The following CALN1 variants were observed in gnomAD, a reference collection of about 807,000 sequenced individuals.
CALN1 encodes the protein calneuron 1.
Under a neutral mutation model 30.6 loss-of-function variants are expected in CALN1, and 17 were observed. That is an observed-to-expected ratio of 0.56 (90% CI 0.38 to 0.83). CALN1 has a LOEUF of 0.83. Ranked by LOEUF, CALN1 falls within the 40% of genes least tolerant of loss-of-function variation. CALN1 has a pLI of 0.00. For synonymous variants in CALN1, 156 were observed against 131.4 expected (o/e 1.19, Z -1.28); for missense variants, 291 against 354.9 (o/e 0.82, Z 1.45).
intron 5 of CALN1, among the ~76,000 whole-genome samples, chr7:71,828,753 TTGTG>T (rs1276488626): frequency 6.7e-6 from 1 of 149,520 alleles, no homozygotes; most frequent in African/African-American, 2.5e-5. Context: ...ATTTGGGGTT[TTGTG>T]TGTTTTTTTG....
chr7:72,260,278 A>T (rs567636820), intron 3 of CALN1, among the ~76,000 whole-genome samples: 10 of 152,332 alleles, frequency 6.6e-5, no homozygotes, highest in Admixed American at 2.6e-4. Context: ...TGAAGCATGG[A>T]TTAGCAACTG....
chr7:72,010,613 A>G (rs1800014978), intron 5 of CALN1, among the ~76,000 whole-genome samples: 1 of 151,142 alleles, frequency 6.6e-6, no homozygotes, highest in Admixed American at 6.6e-5. Flanking sequence ...GGAGTTCAAG[A>G]CCAGCCTGAC....
intron 3 of CALN1, among the ~76,000 whole-genome samples, chr7:72,193,673 G>A (rs780417166): frequency 5.3e-5 from 8 of 152,234 alleles, no homozygotes; most frequent in Non-Finnish European, 1.2e-4. Context: ...TTGTAGCACA[G>A]TGGTAAGCAT....
intron 3 of CALN1, among the ~76,000 whole-genome samples, chr7:72,147,176 C>T (rs956006693): frequency 2.6e-5 from 4 of 152,154 alleles, no homozygotes; most frequent in Admixed American, 6.5e-5. Context: ...TCAGAGTGAA[C>T]AGGCAACCTA....
rs557527187 is a variant in CALN1, at chr7:72,184,090, T to G, written c.245-77796A>C. ...TCTCCGTACAGGTTATTTCCCATCC[T>G]TGACCAATCTCAGCAAATGATAATC... On this transcript the variant is annotated intron_variant, in intron 3 of 6. Transcript: ENST00000395275. Among the ~76,000 whole-genome samples the G allele has an allele frequency of 2.0e-5, 3 of 152,346 alleles. No individual in the cohort carries two copies. The South Asian group carries it at 6.2e-4, about 32-fold the overall frequency.
intron 3 of CALN1, among the ~76,000 whole-genome samples, chr7:72,228,557 G>A (rs1464705845): frequency 6.6e-6 from 1 of 151,588 alleles, no homozygotes; most frequent in Non-Finnish European, 1.5e-5. Context: ...GCATTCATTG[G>A]TGCATGGCTG....
chr7:72,018,536 C>G (rs1030399440), intron 5 of CALN1, among the ~76,000 whole-genome samples: 1 of 152,170 alleles, frequency 6.6e-6, no homozygotes, highest in Non-Finnish European at 1.5e-5. Flanking sequence ...CATAGGAAAG[C>G]GGTTCTGAAC....
At chr7:72,239,623 T>C (rs1249539177) in intron 3 of CALN1, among the ~76,000 whole-genome samples, 2 of 152,150 alleles carry the variant, frequency 1.3e-5, no homozygotes, top group African/African-American at 2.4e-5. Flanking sequence ...AAGGTGTTAA[T>C]TTCTTAAATC....
At chr7:72,309,025 T>C (rs2129556235) in intron 2 of CALN1, among the ~76,000 whole-genome samples, 1 of 152,272 alleles carries the variant, frequency 6.6e-6, no homozygotes, top group South Asian at 2.1e-4. Context: ...ATTTTATAGA[T>C]GGGGAAATGG....
intron 5 of CALN1, among the ~76,000 whole-genome samples, chr7:71,904,093 T>C (rs2116959276): frequency 6.6e-6 from 1 of 152,292 alleles, no homozygotes; most frequent in East Asian, 1.9e-4. Flanking sequence ...CCTTATAAAC[T>C]GTTTGTGGGA....
chr7:72,165,581 C>T (rs1788462331), intron 3 of CALN1, among the ~76,000 whole-genome samples: 1 of 152,030 alleles, frequency 6.6e-6, no homozygotes, highest in African/African-American at 2.4e-5. Flanking sequence ...GGGCCAAAAA[C>T]TCTGTCTCCA....
intron 1 of CALN1, among the ~76,000 whole-genome samples, chr7:72,424,379 A>G (rs1807730504): frequency 6.6e-6 from 1 of 152,190 alleles, no homozygotes; most frequent in South Asian, 2.1e-4. Flanking sequence ...ACATTTTAAA[A>G]TTTTAAAGTT....
chr7:72,040,342 A>G (rs1032062496), intron 4 of CALN1, among the ~76,000 whole-genome samples: 3 of 151,652 alleles, frequency 2.0e-5, no homozygotes, highest in African/African-American at 7.3e-5. Context: ...AAAAATAGCC[A>G]GCTGTGATGG....
intron 2 of CALN1, among the ~76,000 whole-genome samples, chr7:72,373,774 T>G (rs368925642): frequency 6.6e-6 from 1 of 152,164 alleles, no homozygotes; most frequent in Admixed American, 6.5e-5. Context: ...AGTAAGCTCA[T>G]AGAATCAGAA....
chr7:71,881,608 C>G (rs906950683), intron 5 of CALN1, among the ~76,000 whole-genome samples: 5 of 152,022 alleles, frequency 3.3e-5, no homozygotes, highest in African/African-American at 1.2e-4. Flanking sequence ...AAAATGTTTC[C>G]AAGGCATTGA....
intron 5 of CALN1, among the ~76,000 whole-genome samples, chr7:71,919,299 C>G (rs1464230802): frequency 1.3e-5 from 2 of 152,200 alleles, no homozygotes; most frequent in African/African-American, 4.8e-5. Context: ...AACGTCAAAG[C>G]CTTGAATGTA....
chr7:71,839,679 C>T (rs1301235246), intron 5 of CALN1, among the ~76,000 whole-genome samples: 2 of 152,168 alleles, frequency 1.3e-5, no homozygotes, highest in Admixed American at 6.5e-5. Context: ...ACCAGGAGTG[C>T]CAACTCAGCC....
chr7:72,497,841 G>A, the CALN1 span, among the ~76,000 whole-genome samples: 1 of 152,152 alleles, frequency 6.6e-6, no homozygotes, highest in Non-Finnish European at 1.5e-5. Flanking sequence ...TTAATAAATA[G>A]TATCCCCACA....
chr7:72,400,128 G>C (rs139921554), intron 2 of CALN1, among the ~76,000 whole-genome samples: 260 of 152,106 alleles, frequency 1.7e-3, no homozygotes, highest in Middle Eastern at 6.8e-3. Flanking sequence ...CTTTATAGCA[G>C]CACAAAACGG....
Sources: allele counts gnomAD v4.1 joint callset (sites outside exome capture counted in the v4.1 genomes callset), GRCh38; gene constraint gnomAD v4.1.1; transcripts MANE v1.5; gene names NCBI Gene and HGNC (gene_info 2026-07-23, HGNC 2026-07-21).